Variants in ANKRD42 observed in about 807,000 individuals in gnomAD.
The protein encoded by ANKRD42 is ankyrin repeat domain 42.
Under a neutral mutation model 51.5 loss-of-function variants are expected in ANKRD42, and 43 were observed. The ratio of observed to expected loss-of-function variants is 0.83; its 90% CI spans 0.65 to 1.08. The LOEUF is 1.08. Ranked by LOEUF, ANKRD42 falls within the 50% of genes least tolerant of loss-of-function variation. ANKRD42 has a pLI of 0.00. For synonymous variants in ANKRD42, 203 were observed against 213.0 expected (o/e 0.95, Z 0.41); for missense variants, 608 against 629.3 (o/e 0.97, Z 0.36).
At chr11:83,194,789 A>T (rs778410653) in intron 1 of ANKRD42, 61 bp downstream of exon 1, 46 of 1,490,272 alleles carry the variant, frequency 3.1e-5, no homozygotes, top group Non-Finnish European at 4.1e-5. Flanking sequence ...TTAAGCCCGC[A>T]ACAGCCTTAG....
chr11:83,213,553 G>GTTT, intron 5 of ANKRD42: 2 of 973,114 alleles, frequency 2.1e-6, no homozygotes, highest in Non-Finnish European at 2.6e-6. Flanking sequence ...GGTATTATTA[G>GTTT]TTTTTTTTTT....
chr11:83,207,153 C>G (rs988775584), intron 3 of ANKRD42, among the ~76,000 whole-genome samples: 1 of 152,166 alleles, frequency 6.6e-6, no homozygotes, highest in Non-Finnish European at 1.5e-5. Context: ...AGGGGGAAAG[C>G]TTCTTATAAG....
chr11:83,218,123 C>T (rs1862597748), intron 5 of ANKRD42, among the ~76,000 whole-genome samples: 3 of 152,178 alleles, frequency 2.0e-5, no homozygotes, highest in Non-Finnish European at 4.4e-5. Flanking sequence ...TTTCTTAGGG[C>T]CTCCCTTAGC....
intron 2 of ANKRD42, among the ~76,000 whole-genome samples, chr11:83,200,769 A>T (rs778206712): frequency 1.3e-4 from 20 of 152,282 alleles, no homozygotes; most frequent in South Asian, 4.1e-4. Context: ...GTAAAACTAA[A>T]ATCTAATATT....
At chr11:83,250,736 C>T (rs1256364136), downstream of ANKRD42, among the ~76,000 whole-genome samples, 1 of 152,142 alleles carries the variant, frequency 6.6e-6, no homozygotes, top group African/African-American at 2.4e-5. Flanking sequence ...TCCCCTATCT[C>T]TGCATTTAAA....
At chr11:83,259,009 C>G (rs190161989), downstream of ANKRD42, 1 of 152,128 alleles carries the variant, frequency 6.6e-6, no homozygotes. Flanking sequence ...AGGTGTATTA[C>G]GCTCACTCAG....
At chr11:83,244,424 T>C (rs1863483550) in intron 9 of ANKRD42, among the ~76,000 whole-genome samples, 1 of 152,214 alleles carries the variant, frequency 6.6e-6, no homozygotes, top group Admixed American at 6.5e-5. Flanking sequence ...GATAAATCAT[T>C]GGTGTTAGGA....
intron 5 of ANKRD42, among the ~76,000 whole-genome samples, chr11:83,220,753 A>G (rs1590986332): frequency 6.6e-6 from 1 of 152,108 alleles, no homozygotes; most frequent in East Asian, 1.9e-4. Context: ...TTTTTGCCAG[A>G]CAAACTGGGG....
At chr11:83,240,021 A>G (rs1863340577) in intron 8 of ANKRD42, among the ~76,000 whole-genome samples, 1 of 152,216 alleles carries the variant, frequency 6.6e-6, no homozygotes, top group Non-Finnish European at 1.5e-5. Flanking sequence ...GTAGGAGGTA[A>G]TGTGTGTGTT....
downstream of ANKRD42, among the ~76,000 whole-genome samples, chr11:83,264,085 C>G (rs1565206691): frequency 6.6e-6 from 1 of 152,012 alleles, no homozygotes; most frequent in Non-Finnish European, 1.5e-5. Flanking sequence ...AGCACAGGGC[C>G]ACCAAGATAT....
At chr11:83,244,722 T>C (rs1565196951) in intron 9 of ANKRD42, among the ~76,000 whole-genome samples, 1 of 152,212 alleles carries the variant, frequency 6.6e-6, no homozygotes, top group Non-Finnish European at 1.5e-5. Flanking sequence ...AGTTGGAGAA[T>C]AGTTCAAAAT....
intron 8 of ANKRD42, among the ~76,000 whole-genome samples, chr11:83,240,317 G>A (rs569401): frequency 0.32 from 48,966 of 152,042 alleles, 8,569 homozygotes; most frequent in South Asian, 0.4. Flanking sequence ...GGTGAAGATA[G>A]AGGGGGCTAG....
At position 83,194,171 on chromosome 11, in the gene ANKRD42, A is replaced by C. The variant is rs1861529060; in HGVS notation, c.-500A>C. On this transcript the variant is annotated 5_prime_UTR_variant, in exon 1 of 11. Coordinates refer to ENST00000533342, the MANE Select transcript of ANKRD42 (RefSeq NM_001300975.2). ...TGCAGCAGCGACGTGAATTTTAGTGAAGTTGGAGGCCACCAAACTACCGAC... is the reference window on the plus strand; with the variant it reads ...TGCAGCAGCGACGTGAATTTTAGTGCAGTTGGAGGCCACCAAACTACCGAC... 1 of 457,336 alleles carries C rather than the reference A, an allele frequency of 2.2e-6. No individual in the cohort carries two copies. Among genetic ancestry groups the C allele is most frequent in the Non-Finnish European group, 4.4e-6 (1 of 227,522 alleles). The allele number at this position is 457,336 out of a possible 1,614,324, so 28.3% of individuals were successfully genotyped here. A position where few individuals can be genotyped will look rare whatever the true frequency, so the allele number is the denominator to read the frequency against.
At chr11:83,198,197 G>T (rs1405180809) in intron 1 of ANKRD42, among the ~76,000 whole-genome samples, 2 of 152,172 alleles carry the variant, frequency 1.3e-5, no homozygotes, top group African/African-American at 4.8e-5. Context: ...ATTTGGGGTG[G>T]CAGTTTGCCC....
At chr11:83,246,213 T>G (rs1863538233) in intron 10 of ANKRD42, among the ~76,000 whole-genome samples, 1 of 152,254 alleles carries the variant, frequency 6.6e-6, no homozygotes, top group Non-Finnish European at 1.5e-5. Context: ...GTTGTGTCTG[T>G]GTTGAACATT....
At chr11:83,209,906 T>G in intron 3 of ANKRD42, 1 of 406,214 alleles carries the variant, frequency 2.5e-6, no homozygotes, top group Non-Finnish European at 4.5e-6. Flanking sequence ...CAGAATACAC[T>G]TGGCAGATGG....
chr11:83,239,928 A>T (rs1454933540), intron 8 of ANKRD42, among the ~76,000 whole-genome samples: 1 of 152,212 alleles, frequency 6.6e-6, no homozygotes, highest in Non-Finnish European at 1.5e-5. Context: ...ATTACAACCT[A>T]GTCGTAGACT....
downstream of ANKRD42, chr11:83,249,075 G>C (rs1290763816): frequency 5.0e-6 from 4 of 801,782 alleles, no homozygotes; most frequent in Non-Finnish European, 6.0e-6. Context: ...GTTGGTTAGA[G>C]GGCTAGAGGA....
rs777859736 is a variant in ANKRD42 at position 83,198,638 on chromosome 11, T to A, written c.218T>A (p.Leu73Ter). 1.3e-6 allele frequency: 2 copies of A among 1,585,928 alleles called. No homozygotes were observed. Among genetic ancestry groups the A allele is most frequent in the Non-Finnish European group, 1.7e-6 (2 of 1,165,526 alleles). ...PLHWAAHSGS[L>*]ECLHWLLWHG... ...CATTGGGCAGCACATTCTGGAAGTT[T>A]GGAGGTAAGAAACTATACATATCAC... Residue 73 changes from leucine (L) to a stop codon, truncating the protein, a stop_gained, in exon 2 of 11, where the codon TTG (leucine) becomes TAG (stop). Coordinates refer to ENST00000533342, the MANE Select transcript of ANKRD42 (RefSeq NM_001300975.2). LOFTEE classifies it high-confidence loss of function.
Sources: gnomAD v4.1 joint callset for allele counts (sites outside exome capture counted in the v4.1 genomes callset) on GRCh38, gnomAD v4.1.1 for gene constraint, MANE v1.5 for transcripts, NCBI Gene and HGNC (gene_info 2026-07-23, HGNC 2026-07-21) for gene names.